LIN52: variants seen among roughly 807,000 people sequenced by gnomAD.
The protein encoded by LIN52 is lin-52 DREAM MuvB core complex component, also known as protein lin-52 homolog.
A neutral mutation model predicts 18.5 loss-of-function variants in LIN52; 4 were observed. The ratio of observed to expected loss-of-function variants is 0.22; its 90% CI spans 0.11 to 0.49. The LOEUF (loss-of-function observed/expected upper bound fraction) is 0.49, where lower values mean the gene tolerates loss of function less well. Among genes scored for constraint, LIN52 ranks in the 20% least tolerant of loss-of-function variants. The pLI, the probability that LIN52 is intolerant of heterozygous loss-of-function variation, is 0.97. For synonymous variants in LIN52, 34 were observed against 45.5 expected (o/e 0.75, Z 1.02); for missense variants, 102 against 139.5 (o/e 0.73, Z 1.35).
chr14:74,167,442 A>G (rs2061254560), intron 5 of LIN52, among the ~76,000 whole-genome samples: 1 of 152,074 alleles, frequency 6.6e-6, no homozygotes, highest in Non-Finnish European at 1.5e-5. Context: ...ACGGGTGTTT[A>G]TTGACTTAGT....
intron 5 of LIN52, among the ~76,000 whole-genome samples, chr14:74,132,283 C>T (rs1373113953): frequency 3.3e-5 from 5 of 152,154 alleles, no homozygotes; most frequent in Non-Finnish European, 7.4e-5. Flanking sequence ...GATGTCTCTT[C>T]GCTTCACTCA....
intron 5 of LIN52, among the ~76,000 whole-genome samples, chr14:74,128,409 G>A (rs1470424707): frequency 6.6e-6 from 1 of 152,132 alleles, no homozygotes; most frequent in Non-Finnish European, 1.5e-5. Context: ...GGAGCTTCTT[G>A]AGGATGAAGA....
intron 5 of LIN52, among the ~76,000 whole-genome samples, chr14:74,165,015 A>G (rs1168566421): frequency 6.6e-6 from 1 of 152,212 alleles, no homozygotes; most frequent in Non-Finnish European, 1.5e-5. Context: ...GCAGACAGAC[A>G]TAGTCGATTC....
At position 74,137,498 on chromosome 14, in the gene LIN52, C is replaced by CTTTTTTTTTTTTTTTT. The variant is rs71460959; in HGVS notation, c.283+36263_283+36278dup. On this transcript the variant is annotated intron_variant, in intron 5 of 5. Coordinates refer to ENST00000555028, the MANE Select transcript of LIN52 (RefSeq NM_001024674.3). ...GCACTAAATTCTTCACAGCAGCTCTCTTTTTTTTTTTTTTTTTTGAGATGG... is the reference window on the plus strand; with the variant it reads ...GCACTAAATTCTTCACAGCAGCTCTCTTTTTTTTTTTTTTTTTTTTTTTTTTTTTTTTTTGAGATGG... 2.4e-3 allele frequency among the ~76,000 whole-genome samples: 272 copies of CTTTTTTTTTTTTTTTT among 111,572 alleles called. 18 individuals carry two copies. Among genetic ancestry groups the CTTTTTTTTTTTTTTTT allele is most frequent in the African/African-American group, 6.0e-3 (160 of 26,858 alleles). 73.2% of individuals were successfully genotyped at this position (111,572 alleles called of 152,430 possible).
At chr14:74,094,334 A>T (rs2060793695) in intron 2 of LIN52, among the ~76,000 whole-genome samples, 1 of 151,584 alleles carries the variant, frequency 6.6e-6, no homozygotes, top group African/African-American at 2.4e-5. Context: ...ATCACAGCTG[A>T]CTGCAGCCTC....
intron 4 of LIN52, among the ~76,000 whole-genome samples, chr14:74,098,429 G>T (rs1365168364): frequency 6.6e-6 from 1 of 150,962 alleles, no homozygotes; most frequent in Non-Finnish European, 1.5e-5. Context: ...TGAGTCAGGA[G>T]AATCACTTGA....
intron 4 of LIN52, among the ~76,000 whole-genome samples, chr14:74,100,814 G>T (rs1244405412): frequency 6.6e-6 from 1 of 152,110 alleles, no homozygotes; most frequent in African/African-American, 2.4e-5. Flanking sequence ...AGGTATCATT[G>T]CCCAGGCTGG....
chr14:74,193,425 A>T (rs1001728009), intron 5 of LIN52, among the ~76,000 whole-genome samples: 1 of 152,060 alleles, frequency 6.6e-6, no homozygotes, highest in African/African-American at 2.4e-5. Flanking sequence ...TATAAAAAAA[A>T]AAAAAATCCT....
intron 5 of LIN52, among the ~76,000 whole-genome samples, chr14:74,136,178 T>C (rs1176607514): frequency 6.6e-6 from 1 of 152,244 alleles, no homozygotes; most frequent in Non-Finnish European, 1.5e-5. Context: ...CTCCTTGTTT[T>C]AGGACCTTAA....
In LIN52 at chr14:74,178,046, G is replaced by A. The variant is rs186265708; in HGVS notation, c.284-20876G>A. 9.1e-4 allele frequency among the ~76,000 whole-genome samples: 139 copies of A among 152,158 alleles called. No homozygotes were observed. In the Middle Eastern group the frequency reaches 0.01, roughly 11 times the overall value. On this transcript the variant is annotated intron_variant, in intron 5 of 5. Transcript: ENST00000555028. ...CACCTGCCTCGGCCTCCCAAAGCACGGGGATTAACAGGTGTGAGCCACTGC... is the reference window on the plus strand; with the variant it reads ...CACCTGCCTCGGCCTCCCAAAGCACAGGGATTAACAGGTGTGAGCCACTGC...
chr14:74,109,872 A>T (rs777836602), intron 5 of LIN52, among the ~76,000 whole-genome samples: 1 of 152,212 alleles, frequency 6.6e-6, no homozygotes, highest in Non-Finnish European at 1.5e-5. Context: ...ATAATTTTCC[A>T]TATACAGAAT....
At chr14:74,102,636 T>G (rs2060865909) in intron 5 of LIN52, among the ~76,000 whole-genome samples, 1 of 152,232 alleles carries the variant, frequency 6.6e-6, no homozygotes, top group African/African-American at 2.4e-5. Context: ...GTTCCTTGAT[T>G]TTGTTTCTAG....
chr14:74,095,792 T>C, intron 2 of LIN52, 156 bp from the exon 3 acceptor site: 1 of 484,148 alleles, frequency 2.1e-6, no homozygotes, highest in Non-Finnish European at 3.6e-6. Flanking sequence ...CTGGCATCTT[T>C]CTTTGAGGAC....
intron 5 of LIN52, among the ~76,000 whole-genome samples, chr14:74,130,155 G>A (rs1183910737): frequency 6.6e-6 from 1 of 151,740 alleles, no homozygotes; most frequent in East Asian, 1.9e-4. Flanking sequence ...AATTATGGGA[G>A]CTACAGGATG....
intron 5 of LIN52, among the ~76,000 whole-genome samples, chr14:74,173,828 G>A (rs1477482970): frequency 1.3e-5 from 2 of 152,086 alleles, no homozygotes; most frequent in African/African-American, 2.4e-5. Flanking sequence ...TAATTATATG[G>A]CAGTAATGTC....
chr14:74,145,323 C>T (rs1025296950), intron 5 of LIN52, among the ~76,000 whole-genome samples: 5 of 152,172 alleles, frequency 3.3e-5, no homozygotes, highest in Non-Finnish European at 7.3e-5. Flanking sequence ...TTTATGTGTG[C>T]CCTCCAAACC....
chr14:74,137,498 C>CTTTTTTTT lies in LIN52; in HGVS notation c.283+36271_283+36278dup, dbSNP rs71460959. Among the ~76,000 whole-genome samples the CTTTTTTTT allele has an allele frequency of 4.6e-3, 517 of 111,520 alleles. 32 individuals carry two copies. The highest frequency in any genetic ancestry group is 0.018 in the African/African-American group (485 of 26,790). 73.2% of individuals were successfully genotyped at this position (111,520 alleles called of 152,430 possible). A position where few individuals can be genotyped will look rare whatever the true frequency, so the allele number is the denominator to read the frequency against. The stretch of plus-strand genomic sequence containing the variant: ...GCACTAAATTCTTCACAGCAGCTCT[C>CTTTTTTTT]TTTTTTTTTTTTTTTTTTGAGATGG... On this transcript the variant is annotated intron_variant, in intron 5 of 5. Coordinates refer to ENST00000555028, the MANE Select transcript of LIN52 (RefSeq NM_001024674.3).
At chr14:74,152,864 G>A (rs1455010010) in intron 5 of LIN52, among the ~76,000 whole-genome samples, 3 of 151,008 alleles carry the variant, frequency 2.0e-5, no homozygotes, top group Non-Finnish European at 4.4e-5. Context: ...GGTGGCTGAG[G>A]CAGGAGAATT....
intron 5 of LIN52, among the ~76,000 whole-genome samples, chr14:74,182,976 G>T (rs1296301100): frequency 6.6e-6 from 1 of 152,042 alleles, no homozygotes; most frequent in Non-Finnish European, 1.5e-5. Context: ...TGATTTGGTA[G>T]ATTTTAAAAA....
Sources: gnomAD v4.1 joint callset for allele counts (sites outside exome capture counted in the v4.1 genomes callset) on GRCh38, gnomAD v4.1.1 for gene constraint, MANE v1.5 for transcripts, NCBI Gene and HGNC (gene_info 2026-07-23, HGNC 2026-07-21) for gene names.